The following ARL15 variants were observed in gnomAD, a reference collection of about 807,000 sequenced individuals.
The protein encoded by ARL15 is ADP-ribosylation factor-like protein 15.
Under a neutral mutation model 25.2 loss-of-function variants are expected in ARL15, and 19 were observed. The observed-to-expected ratio is 0.75, with a 90% CI of 0.53 to 1.10. ARL15 has a LOEUF of 1.10. ARL15 is among the 50% of genes least tolerant of loss of function. The probability of loss-of-function intolerance (pLI) is 0.00; values close to 1 mark genes in which losing one functional copy is unlikely to be tolerated. For synonymous variants in ARL15, 94 were observed against 86.8 expected, an observed-to-expected ratio of 1.08 and a Z score of -0.46; for missense variants, 220 against 246.0, an observed-to-expected ratio of 0.89 and a Z score of 0.71.
chr5:54,195,751 A>G (rs1181005579), intron 1 of ARL15, among the ~76,000 whole-genome samples: 4 of 152,148 alleles, frequency 2.6e-5, no homozygotes, highest in African/African-American at 9.7e-5. Flanking sequence ...TTTTAGTACA[A>G]AAATGGAATC....
intron 4 of ARL15, among the ~76,000 whole-genome samples, chr5:53,988,982 C>T (rs1748392032): frequency 6.6e-6 from 1 of 152,154 alleles, no homozygotes; most frequent in African/African-American, 2.4e-5. Flanking sequence ...TTATGTGTCT[C>T]TGAGTTTTGG....
intron 1 of ARL15, among the ~76,000 whole-genome samples, chr5:54,277,202 C>G (rs997200928): frequency 1.3e-5 from 2 of 151,562 alleles, no homozygotes; most frequent in African/African-American, 4.8e-5. Flanking sequence ...GTAGTAATAC[C>G]AATAGTAACA....
chr5:54,173,782 C>T (rs1720467280), intron 1 of ARL15, among the ~76,000 whole-genome samples: 2 of 152,100 alleles, frequency 1.3e-5, no homozygotes. Flanking sequence ...GCTCTCGAGC[C>T]CAAACCCTTA....
chr5:54,230,958 T>C (rs535977625), intron 1 of ARL15, among the ~76,000 whole-genome samples: 1 of 151,694 alleles, frequency 6.6e-6, no homozygotes, highest in Admixed American at 6.5e-5. Flanking sequence ...GATTTGGCCA[T>C]TGCCACTACA....
At chr5:54,210,473 TG>T (rs1756009730) in intron 1 of ARL15, among the ~76,000 whole-genome samples, 1 of 152,214 alleles carries the variant, frequency 6.6e-6, no homozygotes, top group Non-Finnish European at 1.5e-5. Flanking sequence ...AAATGTATTG[TG>T]AAATATATTA....
chr5:54,099,064 T>C (rs1424796006), intron 4 of ARL15, among the ~76,000 whole-genome samples: 3 of 152,180 alleles, frequency 2.0e-5, no homozygotes, highest in East Asian at 1.9e-4. Context: ...AGTGACATAC[T>C]ATAAAAAGGC....
At chr5:53,887,217 C>T (rs938650321) in intron 4 of ARL15, 7 of 581,426 alleles carry the variant, frequency 1.2e-5, no homozygotes, top group African/African-American at 1.9e-5. Flanking sequence ...TCTTCTCTTT[C>T]TCTCTCAAAT....
chr5:54,034,840 T>G (rs962332021), intron 4 of ARL15, among the ~76,000 whole-genome samples: 11 of 151,860 alleles, frequency 7.2e-5, no homozygotes, highest in African/African-American at 2.4e-4. Flanking sequence ...AACTTTTTTT[T>G]TTTTTAGAGA....
intron 4 of ARL15, among the ~76,000 whole-genome samples, chr5:54,110,219 A>G (rs1752699171): frequency 6.6e-6 from 1 of 151,966 alleles, no homozygotes; most frequent in Non-Finnish European, 1.5e-5. Context: ...AGGGGACTAC[A>G]TATACAACTT....
At chr5:54,243,422 A>T (rs1757007373) in intron 1 of ARL15, among the ~76,000 whole-genome samples, 1 of 152,252 alleles carries the variant, frequency 6.6e-6, no homozygotes, top group African/African-American at 2.4e-5. Context: ...ACTGTGTTAT[A>T]AACAAATCCT....
At chr5:54,213,660 G>A (rs1369570090) in intron 1 of ARL15, among the ~76,000 whole-genome samples, 3 of 152,136 alleles carry the variant, frequency 2.0e-5, no homozygotes, top group Admixed American at 1.3e-4. Context: ...TAGCAAAAAT[G>A]TTCCCATATT....
At chr5:53,952,893 G>C (rs181094502) in intron 4 of ARL15, among the ~76,000 whole-genome samples, 3 of 152,212 alleles carry the variant, frequency 2.0e-5, no homozygotes, top group African/African-American at 7.2e-5. Context: ...TTTATTTGAA[G>C]GCAAATAGGA....
At chr5:54,006,847 T>C (rs1038780607) in intron 4 of ARL15, among the ~76,000 whole-genome samples, 3 of 152,000 alleles carry the variant, frequency 2.0e-5, no homozygotes, top group African/African-American at 7.3e-5. Context: ...TGTCAGCACT[T>C]TGGGAGGCCG....
At chr5:54,141,432 A>T (rs1433005214) in intron 3 of ARL15, among the ~76,000 whole-genome samples, 6 of 152,136 alleles carry the variant, frequency 3.9e-5, no homozygotes, top group Non-Finnish European at 8.8e-5. Context: ...GCAATCCAAG[A>T]AAAGGGCCAA....
intron 4 of ARL15, among the ~76,000 whole-genome samples, chr5:53,955,603 A>G (rs1747121445): frequency 6.6e-6 from 1 of 152,252 alleles, no homozygotes; most frequent in Admixed American, 6.5e-5. Flanking sequence ...TGACATTGTT[A>G]GAACTCTGGA....
chr5:54,207,263 G>A (rs550627549), intron 1 of ARL15, among the ~76,000 whole-genome samples: 1 of 152,304 alleles, frequency 6.6e-6, no homozygotes, highest in East Asian at 1.9e-4. Context: ...GGGAGACTAA[G>A]AGAATTTTAA....
chr5:54,026,859 T>A (rs1420551062), intron 4 of ARL15, among the ~76,000 whole-genome samples: 4 of 152,150 alleles, frequency 2.6e-5, no homozygotes, highest in Admixed American at 6.5e-5. Context: ...GAGAAACATG[T>A]AAACTGAGTT....
At chr5:53,902,753 A>G (rs367959641) in intron 4 of ARL15, among the ~76,000 whole-genome samples, 8 of 152,304 alleles carry the variant, frequency 5.3e-5, no homozygotes, top group African/African-American at 1.9e-4. Context: ...CCAGATGCAG[A>G]GATATTCAAG....
intron 1 of ARL15, among the ~76,000 whole-genome samples, chr5:54,203,144 C>T (rs983996100): frequency 4.1e-4 from 63 of 152,248 alleles, no homozygotes; most frequent in African/African-American, 1.5e-3. Flanking sequence ...TAAGTCCCAT[C>T]CCACTCCACC....
Sources: allele counts gnomAD v4.1 joint callset (sites outside exome capture counted in the v4.1 genomes callset), GRCh38; gene constraint gnomAD v4.1.1; transcripts MANE v1.5; gene names NCBI Gene and HGNC (gene_info 2026-07-23, HGNC 2026-07-21).